RCN3: variants seen among roughly 807,000 people sequenced by gnomAD.
RCN3 encodes the protein reticulocalbin 3, also known as reticulocalbin-3.
RCN3 carries 41 observed loss-of-function variants against 35.9 expected under a neutral mutation model. The observed-to-expected ratio is 1.14, with a 90% CI of 0.89 to 1.48. The LOEUF (loss-of-function observed/expected upper bound fraction) is 1.48, where lower values mean the gene tolerates loss of function less well. Among genes scored for constraint, RCN3 ranks in the 40% most tolerant of loss-of-function variants. RCN3 has a pLI of 0.00. For missense variants in RCN3, 451 were observed against 471.3 expected, an observed-to-expected ratio of 0.96 and a Z score of 0.40; for synonymous variants, 187 against 193.4, an observed-to-expected ratio of 0.97 and a Z score of 0.27.
intron 1 of RCN3, 136 bp from the exon 2 acceptor site, chr19:49,528,331 T>G: frequency 2.4e-6 from 2 of 838,836 alleles, no homozygotes; most frequent in Non-Finnish European, 3.4e-6. Flanking sequence ...CGCCCGCCCT[T>G]TTTGAGCCCG....
chr19:49,530,003 G>A (rs1182682144), intron 2 of RCN3, among the ~76,000 whole-genome samples: 2 of 152,076 alleles, frequency 1.3e-5, no homozygotes, highest in Non-Finnish European at 2.9e-5. Flanking sequence ...CCAGGCTGGA[G>A]TGCAGTGACG....
chr19:49,531,329 A>C (rs1395408390), intron 2 of RCN3, among the ~76,000 whole-genome samples: 1 of 151,738 alleles, frequency 6.6e-6, no homozygotes, highest in Non-Finnish European at 1.5e-5. Flanking sequence ...AAAAAGAGAG[A>C]GGGCCAGGTG....
chr19:49,535,653 A>G (rs1445943064), intron 3 of RCN3, among the ~76,000 whole-genome samples: 1 of 151,932 alleles, frequency 6.6e-6, no homozygotes, highest in Non-Finnish European at 1.5e-5. Context: ...GAAGTTAGAG[A>G]CCAGCCTGGC....
intron 5 of RCN3, among the ~76,000 whole-genome samples, chr19:49,539,438 A>G (rs1568712064): frequency 6.6e-6 from 1 of 152,014 alleles, no homozygotes. Context: ...CCTACTGCAT[A>G]TGGGTGGTTG....
intron 2 of RCN3, among the ~76,000 whole-genome samples, chr19:49,530,119 A>C (rs577834832): frequency 6.6e-6 from 1 of 150,612 alleles, no homozygotes; most frequent in Admixed American, 6.6e-5. Context: ...TACAAGTCCT[A>C]GCTACAAGTG....
At chr19:49,538,695 G>GAGGT (rs2122734988) in intron 4 of RCN3, among the ~76,000 whole-genome samples, 1 of 152,296 alleles carries the variant, frequency 6.6e-6, no homozygotes, top group South Asian at 2.1e-4. Flanking sequence ...ACAAGGAGCG[G>GAGGT]AGGTGTCCAG....
chr19:49,542,761 A>G lies in RCN3; in HGVS notation c.879+9A>G. On this transcript the variant is annotated intron_variant, in intron 6 of 6. Transcript: ENST00000270645. ...AGAGCGACACGGACAAGGTGCAGTG[A>G]CGGGGCCTCGGCAGGAGCGAGGAGC... The G allele has an allele frequency of 6.4e-7, 1 of 1,574,528 alleles. No individual in the cohort carries two copies. The highest frequency in any genetic ancestry group is 8.6e-7 in the Non-Finnish European group (1 of 1,160,078).
chr19:49,543,249 C>A lies in RCN3; in HGVS notation c.*36C>A, dbSNP rs117814164. On this transcript the variant is annotated 3_prime_UTR_variant, in exon 7 of 7. Transcript: ENST00000270645. ...CCTGCCACAGCCTCAGAGGCCCGCA[C>A]AATGACCGGAGGAGGGGCCGCTGTG... 2 of 1,546,006 alleles carry A rather than the reference C, an allele frequency of 1.3e-6. No individual in the cohort carries two copies. Among genetic ancestry groups the A allele is most frequent in the Admixed American group, 3.4e-5 (2 of 58,546 alleles).
chr19:49,536,936 A>T, intron 3 of RCN3, 97 bp from the exon 4 acceptor site: 1 of 1,187,526 alleles, frequency 8.4e-7, no homozygotes, highest in East Asian at 2.7e-5. Flanking sequence ...CTCCACAGAA[A>T]TCTTTGTACC....
chr19:49,528,008 T>G lies in RCN3; in HGVS notation c.-57T>G, dbSNP rs2080089605. ...GGAGAGCGGCCGAATTGGGCACATT[T>G]GCGGGAACGCAGAGCGGAGCGTGGA... is the stretch of plus-strand genomic sequence containing the variant. On this transcript the variant is annotated 5_prime_UTR_variant, in exon 1 of 7. Coordinates refer to ENST00000270645, the MANE Select transcript of RCN3 (RefSeq NM_020650.3). 1 of 156,984 alleles carries G rather than the reference T, an allele frequency of 6.4e-6. No individual in the cohort carries two copies. The highest frequency in any genetic ancestry group is 2.9e-3 in the Middle Eastern group (1 of 344). The allele number at this position is 156,984 out of a possible 1,614,324, so 9.7% of individuals were successfully genotyped here.
At chr19:49,534,429 C>A (rs1232402407) in intron 3 of RCN3, 34 bp downstream of exon 3, 27 of 1,530,710 alleles carry the variant, frequency 1.8e-5, no homozygotes, top group Non-Finnish European at 2.1e-5. Flanking sequence ...GCTCCCCATA[C>A]ACCGTGACCC....
Position 49,534,335 on chromosome 19 carries a change from C to A in RCN3, c.385C>A (p.Arg129Ser). ...GGCCTGGGACACGTACGACACGGAC[C>A]GCGACGGGCGTGTGGGTTGGGAGGA... ...SAAWDTYDTD[R>S]DGRVGWEELR... The change falls in exon 3 of 7, where the codon CGC becomes AGC. Residue 129 changes from arginine (R) to serine (S), a missense_variant. Coordinates refer to ENST00000270645, the MANE Select transcript of RCN3 (RefSeq NM_020650.3). The A allele has an allele frequency of 6.6e-7, 1 of 1,522,092 alleles. No homozygotes were observed. The highest frequency in any genetic ancestry group is 2.5e-5 in the East Asian group (1 of 39,478). The allele number at this position is 1,522,092 out of a possible 1,614,324, so 94.3% of individuals were successfully genotyped here.
intron 1 of RCN3, 37 bp from the exon 2 acceptor site, chr19:49,528,430 C>G (rs1353700778): frequency 6.2e-6 from 9 of 1,456,056 alleles, no homozygotes; most frequent in Non-Finnish European, 6.4e-6. Flanking sequence ...GTCCCCATCC[C>G]TGTGACCCCT....
intron 4 of RCN3, among the ~76,000 whole-genome samples, chr19:49,538,870 T>C (rs192911496): frequency 6.6e-6 from 1 of 152,162 alleles, no homozygotes; most frequent in Non-Finnish European, 1.5e-5. Context: ...AACAAACCTG[T>C]GCACTGCTGG....
intron 6 of RCN3, 68 bp downstream of exon 6, chr19:49,542,820 G>C: frequency 1.4e-6 from 2 of 1,415,052 alleles, no homozygotes. Flanking sequence ...CCAGAAAGGA[G>C]CAAGACCTGG....
chr19:49,535,575 G>C (rs1438627944), intron 3 of RCN3, among the ~76,000 whole-genome samples: 1 of 152,054 alleles, frequency 6.6e-6, no homozygotes, highest in Non-Finnish European at 1.5e-5. Context: ...ACATAGCCTG[G>C]GTGCCATGGC....
Position 49,539,129 on chromosome 19 carries a change from A to G in RCN3, c.629A>G (p.Glu210Gly). The change falls in exon 5 of 7, where the codon GAG (glutamate) becomes GGG (glycine). Residue 210 changes from glutamate to glycine, a missense_variant. Glu to Gly is a moderately conservative substitution (Grantham distance 98, BLOSUM62 -2). Coordinates refer to ENST00000270645, the MANE Select transcript of RCN3 (RefSeq NM_020650.3). ...MRDIVIAETLEDLDRNKDGYV... is the reference protein window; with the variant it reads ...MRDIVIAETLGDLDRNKDGYV... ...CCCTTTCTCCTCCAGGAAACCCTGG[A>G]GGACCTGGACAGAAACAAAGATGGC... 6.2e-7 allele frequency: 1 copy of G among 1,604,816 alleles called. No individual in the cohort carries two copies.
chr19:49,530,746 TCGG>T (rs1381539526), intron 2 of RCN3, among the ~76,000 whole-genome samples: 1 of 152,194 alleles, frequency 6.6e-6, no homozygotes, highest in Non-Finnish European at 1.5e-5. Context: ...TCTGCCCACC[TCGG>T]CCTCCCGAAG....
intron 5 of RCN3, 83 bp downstream of exon 5, chr19:49,539,262 C>T (rs1198647040): frequency 9.1e-6 from 10 of 1,097,504 alleles, no homozygotes; most frequent in Non-Finnish European, 1.3e-5. Context: ...GGAGGTACAT[C>T]ACCCATCATC....
Sources: allele counts gnomAD v4.1 joint callset (sites outside exome capture counted in the v4.1 genomes callset), GRCh38; gene constraint gnomAD v4.1.1; transcripts MANE v1.5; gene names NCBI Gene and HGNC (gene_info 2026-07-23, HGNC 2026-07-21).